The following VPS13C variants were observed in gnomAD, a reference collection of about 807,000 sequenced individuals.
VPS13C encodes the protein vacuolar protein sorting 13 homolog C, also known as intermembrane lipid transfer protein VPS13C.
In VPS13C, 358 loss-of-function variants were observed where a neutral mutation model predicts 456.8. That is an observed-to-expected ratio of 0.78 (90% CI 0.72 to 0.86). The LOEUF is 0.86. VPS13C is among the 40% of genes least tolerant of loss of function. The probability of loss-of-function intolerance (pLI) is 0.00; values close to 1 mark genes in which losing one functional copy is unlikely to be tolerated. For synonymous variants in VPS13C, 1,578 were observed against 1,486.7 expected (o/e 1.06, Z -1.41); for missense variants, 4,818 against 4,385.4 (o/e 1.10, Z -2.79).
chr15:61,989,053 A>C (rs2046144121), intron 18 of VPS13C, among the ~76,000 whole-genome samples: 1 of 152,088 alleles, frequency 6.6e-6, no homozygotes, highest in Non-Finnish European at 1.5e-5. Flanking sequence ...AAAGAAAATA[A>C]ATATTAAAAA....
rs139076418 is a variant in VPS13C, at chr15:61,929,649, G to A, written c.6138C>T (p.Asp2046=). 36 of 1,614,014 alleles carry A rather than the reference G, an allele frequency of 2.2e-5. No individual in the cohort carries two copies. The highest frequency in any genetic ancestry group is 9.3e-6 in the Non-Finnish European group (11 of 1,179,966). The change falls in exon 51 of 85, where the codon GAC becomes GAT. Residue 2046 remains aspartate, a synonymous_variant. Transcript: ENST00000644861. ...KNGSQIDAVL[D]KLYVCASVEF... ...CCACACTGGCACATACATACAGCTT[G>A]TCAAGAACAGCATCAATTTGACTTC...
intron 16 of VPS13C, among the ~76,000 whole-genome samples, chr15:61,995,802 G>A (rs1278381067): frequency 3.9e-5 from 6 of 152,220 alleles, no homozygotes; most frequent in Non-Finnish European, 7.3e-5. Context: ...ACCTTAAGCA[G>A]AGGACTCAAT....
rs760046375 is a variant in VPS13C at position 61,863,466 on chromosome 15, C to T, written c.10926G>A (p.Lys3642=). The T allele has an allele frequency of 6.2e-7, 1 of 1,612,860 alleles. No homozygotes were observed. Among genetic ancestry groups the T allele is most frequent in the Non-Finnish European group, 8.5e-7 (1 of 1,179,220 alleles). The change falls in exon 82 of 85, where the codon AAG becomes AAA. Residue 3642 remains lysine, a synonymous_variant. Transcript: ENST00000644861. ...YRYHCAIPGS[K]KTILMVTNRR... is the part of the protein sequence containing the mutation. ...TATTTGTAACCATAAGGATTGTCTTCTTGCTTCCAGGAATAGCACAGTGGT... is the reference window on the plus strand; with the variant it reads ...TATTTGTAACCATAAGGATTGTCTTTTTGCTTCCAGGAATAGCACAGTGGT...
intron 31 of VPS13C, 71 bp from the exon 32 acceptor site, chr15:61,964,022 C>A: frequency 1.0e-6 from 1 of 961,744 alleles, no homozygotes. Context: ...GGTTTATTCG[C>A]TATATTAAGT....
chr15:62,018,038 C>G (rs2047320867), intron 9 of VPS13C, among the ~76,000 whole-genome samples: 1 of 152,076 alleles, frequency 6.6e-6, no homozygotes, highest in South Asian at 2.1e-4. Flanking sequence ...ATTTTATTCT[C>G]TTTGAATCAA....
chr15:61,856,476 C>T (rs1340801439), intron 82 of VPS13C, 67 bp from the exon 83 acceptor site: 2 of 1,585,054 alleles, frequency 1.3e-6, no homozygotes, highest in Non-Finnish European at 1.7e-6. Context: ...GCCAATATTT[C>T]ACCCTACTGG....
intron 20 of VPS13C, 22 bp from the exon 21 acceptor site, chr15:61,982,595 A>G (rs1457262379): frequency 6.5e-7 from 1 of 1,549,488 alleles, no homozygotes; most frequent in Non-Finnish European, 8.8e-7. Flanking sequence ...TTTTTTTAAC[A>G]TAACCAAGTT....
Position 61,915,760 on chromosome 15 carries a change from C to T in VPS13C, c.8318G>A (p.Trp2773Ter). The T allele has an allele frequency of 6.2e-7, 1 of 1,614,044 alleles. No individual in the cohort carries two copies. The change falls in exon 61 of 85, where the codon TGG (tryptophan) becomes TAG (stop). Residue 2773 changes from tryptophan (W) to a stop codon, truncating the protein, a stop_gained. Coordinates refer to ENST00000644861, the MANE Select transcript of VPS13C (RefSeq NM_020821.3). LOFTEE classifies it high-confidence loss of function. ...RMVLSVFSPYWLINKTTRVLQ... is the reference protein window; with the variant it reads ...RMVLSVFSPY ...AACCCGGGTAGTCTTGTTGATTAAC[C>T]AATAGGGACTAAAGACAGACAGCAC...
intron 78 of VPS13C, 130 bp downstream of exon 78, chr15:61,873,116 T>C: frequency 7.3e-7 from 1 of 1,376,802 alleles, no homozygotes; most frequent in East Asian, 2.3e-5. Context: ...AACTGGGAAG[T>C]CCATCATTTA....
At chr15:62,009,647 A>C (rs189162151) in intron 13 of VPS13C, among the ~76,000 whole-genome samples, 204 of 152,282 alleles carry the variant, frequency 1.3e-3, no homozygotes, top group African/African-American at 4.8e-3. Context: ...AGAAAATCTA[A>C]AATTACAACT....
At chr15:61,938,780 G>C (rs1232826193) in intron 47 of VPS13C, among the ~76,000 whole-genome samples, 2 of 152,110 alleles carry the variant, frequency 1.3e-5, no homozygotes, top group African/African-American at 4.8e-5. Flanking sequence ...TCCCATTACA[G>C]ATATAGCAGA....
intron 63 of VPS13C, among the ~76,000 whole-genome samples, chr15:61,911,239 T>C (rs897036934): frequency 1.3e-5 from 2 of 152,176 alleles, no homozygotes; most frequent in Non-Finnish European, 2.9e-5. Context: ...CCTCCTCTAA[T>C]CTTACTGAGC....
At chr15:62,014,821 C>T (rs2047170470) in intron 9 of VPS13C, among the ~76,000 whole-genome samples, 1 of 151,524 alleles carries the variant, frequency 6.6e-6, no homozygotes, top group Non-Finnish European at 1.5e-5. Context: ...AGGTCTTTGA[C>T]AAAATACAAT....
chr15:62,021,739 C>G (rs1419258435), intron 8 of VPS13C, among the ~76,000 whole-genome samples: 2 of 151,848 alleles, frequency 1.3e-5, no homozygotes, highest in Non-Finnish European at 2.9e-5. Flanking sequence ...ATCAGATATA[C>G]AATGATTTGT....
At chr15:61,966,366 G>C (rs1425506131) in intron 29 of VPS13C, among the ~76,000 whole-genome samples, 3 of 151,610 alleles carry the variant, frequency 2.0e-5, no homozygotes, top group African/African-American at 7.3e-5. Context: ...TCATTTCTGG[G>C]AAACTGTAGC....
chr15:61,860,783 T>C (rs1253756843), intron 82 of VPS13C, among the ~76,000 whole-genome samples: 3 of 152,016 alleles, frequency 2.0e-5, no homozygotes, highest in Admixed American at 1.3e-4. Flanking sequence ...GGTGCTGACA[T>C]TGCTGGTAAA....
chr15:61,895,761 T>C (rs907871113), intron 66 of VPS13C, among the ~76,000 whole-genome samples: 13 of 152,196 alleles, frequency 8.5e-5, no homozygotes, highest in African/African-American at 2.6e-4. Context: ...ACAGTTGGTC[T>C]CATAAAAGTA....
At chr15:61,854,788 G>C (rs1893816021) in intron 84 of VPS13C, 83 bp downstream of exon 84, 2 of 1,255,142 alleles carry the variant, frequency 1.6e-6, no homozygotes, top group African/African-American at 1.5e-5. Context: ...AGCTTTGGGA[G>C]AAATAATGGT....
At chr15:61,998,910 T>C (rs945146837) in intron 16 of VPS13C, among the ~76,000 whole-genome samples, 1 of 152,240 alleles carries the variant, frequency 6.6e-6, no homozygotes, top group African/African-American at 2.4e-5. Context: ...ATAGTAAATA[T>C]ATTTTCACTT....
Sources: gnomAD v4.1 joint callset for allele counts (sites outside exome capture counted in the v4.1 genomes callset) on GRCh38, gnomAD v4.1.1 for gene constraint, MANE v1.5 for transcripts, NCBI Gene and HGNC (gene_info 2026-07-23, HGNC 2026-07-21) for gene names.